Variants in ACLY observed in about 807,000 individuals in gnomAD.
ACLY encodes the protein ATP citrate lyase.
A neutral mutation model predicts 133.0 loss-of-function variants in ACLY; 41 were observed. The ratio of observed to expected loss-of-function variants is 0.31; its 90% confidence interval spans 0.24 to 0.40. The LOEUF (loss-of-function observed/expected upper bound fraction) is 0.40. ACLY is among the 10% of genes least tolerant of loss of function. The pLI is 1.00. For missense variants in ACLY, 1,046 were observed against 1,453.8 expected (o/e 0.72, Z 4.56); for synonymous variants, 495 against 549.3 (o/e 0.90, Z 1.38).
intron 14 of ACLY, among the ~76,000 whole-genome samples, chr17:41,893,721 G>A (rs1159391291): frequency 2.0e-5 from 3 of 151,916 alleles, no homozygotes; most frequent in East Asian, 1.9e-4. Flanking sequence ...TTGTGCAGCC[G>A]GGGCTGAGGA....
chr17:41,921,782 C>G (rs953007683), upstream of ACLY, among the ~76,000 whole-genome samples: 3 of 151,212 alleles, frequency 2.0e-5, no homozygotes, highest in Middle Eastern at 3.5e-3. Flanking sequence ...CCAGCCTGGG[C>G]AACATAGTGA....
intron 1 of ACLY, among the ~76,000 whole-genome samples, chr17:41,916,967 AC>A (rs2050067705): frequency 6.6e-6 from 1 of 151,392 alleles, no homozygotes; most frequent in Non-Finnish European, 1.5e-5. Flanking sequence ...ATATGGTGAA[AC>A]CCTGTTTCTA....
chr17:41,887,894 G>A (rs192272607), intron 16 of ACLY, among the ~76,000 whole-genome samples, 191 bp from the exon 17 acceptor site: 4 of 152,104 alleles, frequency 2.6e-5, no homozygotes, highest in South Asian at 2.1e-4. Flanking sequence ...TTGGGAGGCC[G>A]AGGAGGGTGG....
chr17:41,898,259 T>C (rs548975071), intron 12 of ACLY, among the ~76,000 whole-genome samples: 1 of 152,230 alleles, frequency 6.6e-6, no homozygotes, highest in Admixed American at 6.5e-5. Flanking sequence ...ATTACAGACA[T>C]GCACCACCAT....
At chr17:41,892,013 C>CT (rs1481502934) in intron 16 of ACLY, among the ~76,000 whole-genome samples, 3 of 152,196 alleles carry the variant, frequency 2.0e-5, no homozygotes, top group Non-Finnish European at 4.4e-5. Flanking sequence ...TGAGCAGCCT[C>CT]TTTGTAAGCC....
At chr17:41,926,100 C>G (rs1250596171) in intron 1 of ACLY, among the ~76,000 whole-genome samples, 3 of 152,146 alleles carry the variant, frequency 2.0e-5, no homozygotes, top group Non-Finnish European at 4.4e-5. Context: ...CTGCCTTGGC[C>G]TCCGAAAGTG....
At chr17:41,893,359 T>C (rs2049270444) in intron 14 of ACLY, among the ~76,000 whole-genome samples, 185 bp from the exon 15 acceptor site, 2 of 152,142 alleles carry the variant, frequency 1.3e-5, no homozygotes, top group South Asian at 4.1e-4. Context: ...TCGATTTTTC[T>C]GGAAGAAGGT....
At chr17:41,879,077 G>C (rs1429737307) in intron 20 of ACLY, among the ~76,000 whole-genome samples, 153 bp from the exon 21 acceptor site, 1 of 152,100 alleles carries the variant, frequency 6.6e-6, no homozygotes, top group African/African-American at 2.4e-5. Flanking sequence ...CCATTTTACA[G>C]ACAAGGAAAC....
Position 41,905,610 on chromosome 17 carries a change from C to T in ACLY, c.915G>A (p.Gly305=), listed in dbSNP as rs1267506973. 1 of 1,614,134 alleles carries T rather than the reference C, an allele frequency of 6.2e-7. No individual in the cohort carries two copies. Among genetic ancestry groups the T allele is most frequent in the Non-Finnish European group, 8.5e-7 (1 of 1,180,028 alleles). Residue 305 remains glycine (G), a synonymous_variant, in exon 9 of 29, where the codon GGG becomes GGA. Transcript: ENST00000352035. The part of the protein sequence containing the change: ...LGGVNELANY[G]EYSGAPSEQQ... ...GCTCGCTGGGGGCGCCTGAGTACTCCCCATAGTTTGCCAGCTCGTTGACAC... is the reference window on the plus strand; with the variant it reads ...GCTCGCTGGGGGCGCCTGAGTACTCTCCATAGTTTGCCAGCTCGTTGACAC...
intron 8 of ACLY, 93 bp downstream of exon 8, chr17:41,906,435 A>C: frequency 8.8e-7 from 1 of 1,132,208 alleles, no homozygotes; most frequent in Non-Finnish European, 1.3e-6. Context: ...AAATTCCCAC[A>C]CCAAAGTGAC....
At chr17:41,883,648 T>C (rs1281297301) in intron 19 of ACLY, among the ~76,000 whole-genome samples, 2 of 149,434 alleles carry the variant, frequency 1.3e-5, no homozygotes, top group Non-Finnish European at 3.0e-5. Context: ...GCAGTGGCGT[T>C]ATCTCTGTTC....
intron 10 of ACLY, among the ~76,000 whole-genome samples, chr17:41,902,471 C>T (rs2069572456): frequency 1.3e-5 from 2 of 152,362 alleles, no homozygotes; most frequent in Middle Eastern, 3.4e-3. Flanking sequence ...ACCTCAGCCT[C>T]GCAAAGTGCT....
At chr17:41,906,918 G>C (rs2049736238) in intron 7 of ACLY, among the ~76,000 whole-genome samples, 1 of 152,154 alleles carries the variant, frequency 6.6e-6, no homozygotes, top group Admixed American at 6.5e-5. Context: ...TAAGTCCTGA[G>C]CCTAACCATG....
At chr17:41,875,086 T>C (rs1188383700) in intron 22 of ACLY, among the ~76,000 whole-genome samples, 3 of 152,042 alleles carry the variant, frequency 2.0e-5, no homozygotes, top group African/African-American at 7.2e-5. Context: ...CAGTGGCTTA[T>C]GCCTGTAATC....
At chr17:41,910,662 G>GCA (rs2049875353) in intron 3 of ACLY, among the ~76,000 whole-genome samples, 1 of 152,198 alleles carries the variant, frequency 6.6e-6, no homozygotes, top group Non-Finnish European at 1.5e-5. Context: ...CTTGAGGAAG[G>GCA]CACAGTGACT....
intron 16 of ACLY, 73 bp downstream of exon 16, chr17:41,892,206 C>G: frequency 7.3e-7 from 1 of 1,376,456 alleles, no homozygotes; most frequent in South Asian, 1.5e-5. Flanking sequence ...CCCTCTGTCC[C>G]CTAGAGCCCA....
chr17:41,929,847 CCA>C (rs1383955991), intron 1 of ACLY, among the ~76,000 whole-genome samples: 2 of 151,408 alleles, frequency 1.3e-5, no homozygotes, highest in African/African-American at 4.9e-5. Context: ...TCAAATATCC[CCA>C]GTTTTACATG....
Position 41,896,630 on chromosome 17 carries a change from T to A in ACLY, c.1449A>T (p.Arg483Ser). The change falls in exon 14 of 29, where the codon AGA (arginine) becomes AGT (serine). Residue 483 changes from arginine (R) to serine (S), a missense_variant. Physicochemically the swap from Arg to Ser is moderately radical, Grantham distance 110. Transcript: ENST00000352035. ...GTGGGGGCATCCTACCTTGCAGGGATCTTGGACTTGGGACTGAATCTGTCA... is the reference window on the plus strand; with the variant it reads ...GTGGGGGCATCCTACCTTGCAGGGAACTTGGACTTGGGACTGAATCTGTCA... The part of the protein sequence containing the change: ...AMPQDSVPSP[R>S]SLQGKSTTLF... 2 of 1,570,724 alleles carry A rather than the reference T, an allele frequency of 1.3e-6. No individual in the cohort carries two copies. The highest frequency in any genetic ancestry group is 1.7e-6 in the Non-Finnish European group (2 of 1,157,692).
At chr17:41,906,421 C>T in intron 8 of ACLY, 107 bp downstream of exon 8, 7 of 960,402 alleles carry the variant, frequency 7.3e-6, no homozygotes, top group South Asian at 5.7e-5. Flanking sequence ...CTTTCCTCTG[C>T]CCCAAATTCC....
Sources: gnomAD v4.1 joint callset for allele counts (sites outside exome capture counted in the v4.1 genomes callset) on GRCh38, gnomAD v4.1.1 for gene constraint, MANE v1.5 for transcripts, NCBI Gene and HGNC (gene_info 2026-07-23, HGNC 2026-07-21) for gene names.